GPC5: variants seen among roughly 807,000 people sequenced by gnomAD.
GPC5 encodes glypican 5, also known as glypican-5.
Under a neutral mutation model 53.9 loss-of-function variants are expected in GPC5, and 47 were observed. The observed-to-expected ratio is 0.87, with a 90% CI of 0.69 to 1.11. GPC5 has a LOEUF of 1.11. GPC5 is among the 50% of genes most tolerant of loss of function. The pLI, the probability that GPC5 is intolerant of heterozygous loss-of-function variation, is 0.00. For missense variants in GPC5, 748 were observed against 713.1 expected (o/e 1.05, Z -0.56); for synonymous variants, 286 against 263.3 (o/e 1.09, Z -0.84).
At chr13:92,563,041 C>T (rs1882746226) in intron 7 of GPC5, among the ~76,000 whole-genome samples, 1 of 151,962 alleles carries the variant, frequency 6.6e-6, no homozygotes, top group East Asian at 1.9e-4. Context: ...ACCAAATTCC[C>T]CCACTCCAGT....
intron 7 of GPC5, among the ~76,000 whole-genome samples, chr13:92,513,483 T>TCA (rs60939622): frequency 6.7e-6 from 1 of 148,626 alleles, no homozygotes; most frequent in South Asian, 2.1e-4. Context: ...TTTTTTTTTT[T>TCA]AATTAAGGCA....
chr13:92,139,680 A>AAAAAAAAAGG (rs532196727), intron 6 of GPC5, among the ~76,000 whole-genome samples: 1 of 140,808 alleles, frequency 7.1e-6, no homozygotes, highest in African/African-American at 2.6e-5. Context: ...AAAAAAAAAA[A>AAAAAAAAAGG]AAAAAGTGTT....
intron 7 of GPC5, among the ~76,000 whole-genome samples, chr13:92,299,936 T>C (rs1594082215): frequency 6.6e-6 from 1 of 151,862 alleles, no homozygotes; most frequent in Non-Finnish European, 1.5e-5. Context: ...AAAAAGGAGG[T>C]TTGTGAGGAT....
intron 6 of GPC5, among the ~76,000 whole-genome samples, chr13:92,002,502 A>G (rs930940050): frequency 1.3e-5 from 2 of 152,230 alleles, no homozygotes; most frequent in South Asian, 4.1e-4. Flanking sequence ...ATGATAAGCA[A>G]AGCAGATGCC....
chr13:91,572,132 T>TAC (rs201888919), intron 2 of GPC5, among the ~76,000 whole-genome samples: 1,357 of 115,222 alleles, frequency 0.012, 71 homozygotes, highest in African/African-American at 0.026. Context: ...CGTGTGTATA[T>TAC]ACACATATGT....
At chr13:91,428,646 C>T (rs1355337928) in intron 1 of GPC5, among the ~76,000 whole-genome samples, 1 of 152,138 alleles carries the variant, frequency 6.6e-6, no homozygotes, top group Non-Finnish European at 1.5e-5. Context: ...AATTTGTCTG[C>T]CTCCTATCGC....
chr13:91,865,342 T>C (rs1484591125), intron 5 of GPC5, among the ~76,000 whole-genome samples: 1 of 152,154 alleles, frequency 6.6e-6, no homozygotes, highest in Non-Finnish European at 1.5e-5. Flanking sequence ...AAAAAAAATG[T>C]ATCTCGTGTA....
intron 2 of GPC5, among the ~76,000 whole-genome samples, chr13:91,578,480 C>T (rs1045304542): frequency 3.9e-5 from 6 of 152,090 alleles, no homozygotes; most frequent in Non-Finnish European, 5.9e-5. Context: ...TTGGTAATTT[C>T]CCAGGATGTT....
At chr13:92,777,585 C>A (rs923551549) in intron 7 of GPC5, among the ~76,000 whole-genome samples, 11 of 152,170 alleles carry the variant, frequency 7.2e-5, no homozygotes, top group African/African-American at 2.7e-4. Flanking sequence ...CACCACTGCA[C>A]TCCAGCCTGG....
intron 7 of GPC5, among the ~76,000 whole-genome samples, chr13:92,514,438 G>A (rs183027730): frequency 6.6e-6 from 1 of 152,134 alleles, no homozygotes; most frequent in Admixed American, 6.5e-5. Flanking sequence ...AGAAAATTTG[G>A]TACAAGGAAA....
chr13:92,419,536 G>C (rs547333632), intron 7 of GPC5, among the ~76,000 whole-genome samples: 2 of 152,266 alleles, frequency 1.3e-5, no homozygotes, highest in South Asian at 4.1e-4. Flanking sequence ...TCAGTGAAGA[G>C]TGAATTGAAT....
At chr13:92,843,853 T>A (rs1203041878) in intron 7 of GPC5, among the ~76,000 whole-genome samples, 4 of 152,092 alleles carry the variant, frequency 2.6e-5, no homozygotes, top group Admixed American at 2.0e-4. Flanking sequence ...TAATCATCTC[T>A]ACAGAGTAAC....
intron 2 of GPC5, among the ~76,000 whole-genome samples, chr13:91,546,955 A>C (rs566380108): frequency 4.6e-5 from 7 of 152,182 alleles, no homozygotes; most frequent in Non-Finnish European, 1.0e-4. Flanking sequence ...AATGGTGAGA[A>C]GGGAAAGAAG....
At chr13:92,408,940 A>G (rs1179581005) in intron 7 of GPC5, among the ~76,000 whole-genome samples, 1 of 152,128 alleles carries the variant, frequency 6.6e-6, no homozygotes, top group Non-Finnish European at 1.5e-5. Flanking sequence ...ATTACCAAAC[A>G]GTCTTCATCA....
chr13:92,207,319 C>A (rs569406584), intron 7 of GPC5, among the ~76,000 whole-genome samples: 5 of 152,320 alleles, frequency 3.3e-5, no homozygotes, highest in South Asian at 4.1e-4. Flanking sequence ...AGCCCACTAA[C>A]CCCTGAGGAA....
At position 92,704,595 on chromosome 13, in the gene GPC5, C is replaced by A. The variant is rs532166129; in HGVS notation, c.1562-161687C>A. Reference sequence around the variant, plus strand: ...TGATTTCTTTCTTAAACTCACAAAACCACTAATATGTGAAATATTACAAAT... The same window carrying A: ...TGATTTCTTTCTTAAACTCACAAAAACACTAATATGTGAAATATTACAAAT... On this transcript the variant is annotated intron_variant, in intron 7 of 7. Transcript: ENST00000377067. Among the ~76,000 whole-genome samples, 3 of 151,906 alleles carry A rather than the reference C, an allele frequency of 2.0e-5. No individual in the cohort carries two copies. The South Asian group carries it at 6.2e-4, about 31-fold the overall frequency.
At chr13:91,905,472 G>A (rs924573282) in intron 5 of GPC5, among the ~76,000 whole-genome samples, 1 of 151,942 alleles carries the variant, frequency 6.6e-6, no homozygotes, top group Non-Finnish European at 1.5e-5. Flanking sequence ...GTGGGTCCAA[G>A]GTTATATTTT....
chr13:92,859,025 A>C (rs957241998), intron 7 of GPC5, among the ~76,000 whole-genome samples: 1 of 152,108 alleles, frequency 6.6e-6, no homozygotes, highest in Non-Finnish European at 1.5e-5. Flanking sequence ...GTATCACTTG[A>C]GGCCAGTAGT....
rs561929823 is a variant in GPC5 at position 92,226,088 on chromosome 13, G to C, written c.1561+81099G>C. Among the ~76,000 whole-genome samples, 26 of 152,170 alleles carry C rather than the reference G, an allele frequency of 1.7e-4. 1 individual carries two copies. In the Middle Eastern group the frequency reaches 0.014, roughly 80 times the overall value. On this transcript the variant is annotated intron_variant, in intron 7 of 7. Coordinates refer to ENST00000377067, the MANE Select transcript of GPC5 (RefSeq NM_004466.6). Reference sequence around the variant, plus strand: ...CAAGATCTGATGGCTTAAGAGTGTGGCACTTCCCCTCTTGCTCTCTCTCTC... The same window carrying C: ...CAAGATCTGATGGCTTAAGAGTGTGCCACTTCCCCTCTTGCTCTCTCTCTC...
Sources: allele counts gnomAD v4.1 joint callset (sites outside exome capture counted in the v4.1 genomes callset), GRCh38; gene constraint gnomAD v4.1.1; transcripts MANE v1.5; gene names NCBI Gene and HGNC (gene_info 2026-07-23, HGNC 2026-07-21).